LTBP1: variants seen among roughly 807,000 people sequenced by gnomAD.
The protein encoded by LTBP1 is latent-transforming growth factor beta-binding protein 1.
A neutral mutation model predicts 207.6 loss-of-function variants in LTBP1; 129 were observed. The observed-to-expected ratio is 0.62, with a 90% CI of 0.54 to 0.72. LTBP1 has a LOEUF of 0.72. Among genes scored for constraint, LTBP1 ranks in the 30% least tolerant of loss-of-function variants. LTBP1 has a pLI of 0.00. For missense variants in LTBP1, 2,281 were observed against 2,217.2 expected, an observed-to-expected ratio of 1.03 and a Z score of -0.58; for synonymous variants, 963 against 833.7, an observed-to-expected ratio of 1.16 and a Z score of -2.67.
intron 8 of LTBP1, among the ~76,000 whole-genome samples, chr2:33,219,033 C>A (rs2090912554): frequency 6.6e-6 from 1 of 152,128 alleles, no homozygotes; most frequent in Non-Finnish European, 1.5e-5. Flanking sequence ...TATAACAATT[C>A]ATTTTAAGTA....
intron 3 of LTBP1, among the ~76,000 whole-genome samples, chr2:33,067,814 A>AC (rs2077595436): frequency 6.6e-6 from 1 of 152,188 alleles, no homozygotes; most frequent in Non-Finnish European, 1.5e-5. Context: ...ATACCAGGGG[A>AC]CAGCTGTACC....
rs1307605972 is a variant in LTBP1, at chr2:33,192,787, C to A, written c.1701+3936C>A. Among the ~76,000 whole-genome samples the A allele has an allele frequency of 2.6e-5, 4 of 152,078 alleles. No homozygotes were observed. The East Asian group carries it at 5.8e-4, about 22-fold the overall frequency. On this transcript the variant is annotated intron_variant, in intron 7 of 33. Transcript: ENST00000404816. ...TCACTGTTTTAGAGGCTGTGAAGTT[C>A]AATATCAAGATGCCAGCATGTGACC...
chr2:33,006,546 G>A (rs531901503), intron 2 of LTBP1, among the ~76,000 whole-genome samples: 25 of 151,606 alleles, frequency 1.6e-4, no homozygotes, highest in African/African-American at 6.0e-4. Context: ...ACCACACCCG[G>A]CTAATTTTTG....
chr2:33,188,142 T>G (rs1183225641), intron 6 of LTBP1, among the ~76,000 whole-genome samples: 1 of 152,160 alleles, frequency 6.6e-6, no homozygotes, highest in Non-Finnish European at 1.5e-5. Flanking sequence ...GATGGCTGGC[T>G]GGGCACGGTG....
intron 3 of LTBP1, among the ~76,000 whole-genome samples, chr2:33,034,964 A>G (rs1475166111): frequency 6.6e-6 from 1 of 152,214 alleles, no homozygotes; most frequent in Non-Finnish European, 1.5e-5. Flanking sequence ...GCAGAATGCC[A>G]AAATTTGAAG....
chr2:33,295,383 C>T (rs536744749), intron 20 of LTBP1, among the ~76,000 whole-genome samples: 17 of 151,978 alleles, frequency 1.1e-4, no homozygotes, highest in Non-Finnish European at 1.9e-4. Flanking sequence ...AAAAATTAGC[C>T]GGGCTTGGTG....
chr2:32,953,684 T>C (rs1677571356), intron 2 of LTBP1, among the ~76,000 whole-genome samples: 1 of 152,136 alleles, frequency 6.6e-6, no homozygotes, highest in African/African-American at 2.4e-5. Context: ...CTGCTCTGCT[T>C]TATCGAAGTT....
intron 31 of LTBP1, among the ~76,000 whole-genome samples, chr2:33,388,258 C>T (rs2095284980): frequency 1.3e-5 from 2 of 152,078 alleles, no homozygotes; most frequent in Non-Finnish European, 2.9e-5. Context: ...GGGGCTGACC[C>T]AGTGTGGAAC....
At chr2:33,385,513 T>C (rs2095257964) in intron 31 of LTBP1, among the ~76,000 whole-genome samples, 1 of 152,246 alleles carries the variant, frequency 6.6e-6, no homozygotes, top group African/African-American at 2.4e-5. Context: ...TAAAATAGTT[T>C]CACAACATTA....
chr2:33,016,739 C>A (rs1688436829), intron 2 of LTBP1, among the ~76,000 whole-genome samples: 1 of 152,188 alleles, frequency 6.6e-6, no homozygotes, highest in South Asian at 2.1e-4. Flanking sequence ...GTACTTCTGG[C>A]TGGCTGGGGG....
intron 2 of LTBP1, among the ~76,000 whole-genome samples, chr2:33,018,158 T>G (rs979210563): frequency 6.6e-6 from 1 of 152,116 alleles, no homozygotes; most frequent in Admixed American, 6.6e-5. Flanking sequence ...CAAAGTTTTT[T>G]TTTTTTAACT....
At chr2:33,023,699 A>G (rs904481057) in intron 3 of LTBP1, among the ~76,000 whole-genome samples, 1 of 152,220 alleles carries the variant, frequency 6.6e-6, no homozygotes, top group East Asian at 1.9e-4. Flanking sequence ...ATTAAGATGT[A>G]CAAGATCCAG....
chr2:33,364,350 T>G lies in LTBP1; in HGVS notation c.4534T>G (p.Ser1512Ala), dbSNP rs1417928678. Residue 1512 changes from serine to alanine, a missense_variant, in exon 30 of 34, where the codon TCA (serine) becomes GCA (alanine). Ser to Ala is a moderately conservative substitution (Grantham distance 99). Coordinates refer to ENST00000404816, the MANE Select transcript of LTBP1 (RefSeq NM_206943.4). Reference sequence around the variant, plus strand: ...AAAAAGATGTATACGACCGGCTGAGTCAAACGGTATGTTTCCAGGAGATGC... The same window carrying G: ...AAAAAGATGTATACGACCGGCTGAGGCAAACGGTATGTTTCCAGGAGATGC... ...SEKRCIRPAE[S>A]NEQIEETDVY... is the part of the protein sequence containing the mutation. The G allele has an allele frequency of 1.2e-6, 2 of 1,612,910 alleles. No homozygotes were observed. The highest frequency in any genetic ancestry group is 2.2e-5 in the South Asian group (2 of 90,638).
intron 2 of LTBP1, among the ~76,000 whole-genome samples, chr2:33,009,842 G>A (rs1444153032): frequency 6.6e-6 from 1 of 152,196 alleles, no homozygotes; most frequent in Non-Finnish European, 1.5e-5. Flanking sequence ...GACATGCTAA[G>A]TTTGAGAAGC....
intron 3 of LTBP1, among the ~76,000 whole-genome samples, chr2:33,105,323 AC>A (rs1326549241): frequency 6.6e-6 from 1 of 152,220 alleles, no homozygotes; most frequent in African/African-American, 2.4e-5. Flanking sequence ...TGTCTAAAAA[AC>A]AATGTACATT....
intron 5 of LTBP1, among the ~76,000 whole-genome samples, chr2:33,138,199 G>T (rs2082296546): frequency 6.6e-6 from 1 of 152,178 alleles, no homozygotes; most frequent in Admixed American, 6.5e-5. Context: ...GGTGTGAAAG[G>T]CAGCAGGTAT....
intron 24 of LTBP1, among the ~76,000 whole-genome samples, chr2:33,320,205 C>T (rs1244998325): frequency 1.3e-5 from 2 of 151,966 alleles, no homozygotes; most frequent in Non-Finnish European, 2.9e-5. Flanking sequence ...CCTGTCTCTA[C>T]TAAAAATACA....
chr2:33,154,562 G>T (rs1041845715), intron 5 of LTBP1, among the ~76,000 whole-genome samples: 5 of 152,226 alleles, frequency 3.3e-5, no homozygotes, highest in African/African-American at 1.2e-4. Flanking sequence ...TTCCATCCTG[G>T]CATATAATAT....
intron 5 of LTBP1, among the ~76,000 whole-genome samples, chr2:33,169,465 T>G (rs1420494385): frequency 2.0e-5 from 3 of 152,202 alleles, no homozygotes; most frequent in Non-Finnish European, 2.9e-5. Flanking sequence ...TTACAATCTG[T>G]ACTTAATACA....
Sources: allele counts gnomAD v4.1 joint callset (sites outside exome capture counted in the v4.1 genomes callset), GRCh38; gene constraint gnomAD v4.1.1; transcripts MANE v1.5; gene names NCBI Gene and HGNC (gene_info 2026-07-23, HGNC 2026-07-21).